The following ROPN1L variants were observed in gnomAD, a reference collection of about 807,000 sequenced individuals.
ROPN1L encodes rhophilin associated tail protein 1 like, also known as ropporin-1-like protein.
A neutral mutation model predicts 22.7 loss-of-function variants in ROPN1L; 23 were observed. The observed-to-expected ratio is 1.01, with a 90% confidence interval of 0.73 to 1.43. The LOEUF (loss-of-function observed/expected upper bound fraction) is 1.43, where lower values mean the gene tolerates loss of function less well. Among genes scored for constraint, ROPN1L ranks in the 40% most tolerant of loss-of-function variants. The probability of loss-of-function intolerance (pLI) is 0.00; values close to 1 mark genes in which losing one functional copy is unlikely to be tolerated. For synonymous variants in ROPN1L, 116 were observed against 117.8 expected (o/e 0.98, Z 0.10); for missense variants, 271 against 291.5 (o/e 0.93, Z 0.51).
At chr5:10,458,093 C>T (rs2126455982) in intron 3 of ROPN1L, among the ~76,000 whole-genome samples, 1 of 152,188 alleles carries the variant, frequency 6.6e-6, no homozygotes, top group East Asian at 1.9e-4. Context: ...TCCTCCAGCT[C>T]ACACAACTGC....
intron 1 of ROPN1L, among the ~76,000 whole-genome samples, chr5:10,444,383 C>T (rs924289569): frequency 1.5e-4 from 23 of 152,176 alleles, no homozygotes; most frequent in Admixed American, 3.9e-4. Context: ...CTCTGCCTCC[C>T]GGGTTCAAGC....
Position 10,465,007 on chromosome 5 carries a change from A to T in ROPN1L, c.*60A>T. The T allele has an allele frequency of 1.0e-6, 1 of 994,386 alleles. No individual in the cohort carries two copies. Among genetic ancestry groups the T allele is most frequent in the Non-Finnish European group, 1.5e-6 (1 of 653,242 alleles). The allele number at this position is 994,386 out of a possible 1,614,324, so 61.6% of individuals were successfully genotyped here. On this transcript the variant is annotated 3_prime_UTR_variant, in exon 5 of 5. Transcript: ENST00000274134. Reference sequence around the variant, plus strand: ...GCTCTTTAAAATTCTGGCACCAAATACAACTTACCCTGAATCACACACCTC... The same window carrying T: ...GCTCTTTAAAATTCTGGCACCAAATTCAACTTACCCTGAATCACACACCTC...
At chr5:10,452,499 G>T (rs1179756067) in intron 3 of ROPN1L, among the ~76,000 whole-genome samples, 1 of 150,472 alleles carries the variant, frequency 6.6e-6, no homozygotes, top group Non-Finnish European at 1.5e-5. Flanking sequence ...TCCACGCCTG[G>T]CTAATTTTTT....
chr5:10,462,335 G>C (rs546481933), intron 4 of ROPN1L, among the ~76,000 whole-genome samples: 1 of 152,336 alleles, frequency 6.6e-6, no homozygotes, highest in Non-Finnish European at 1.5e-5. Context: ...CGAATCCCGT[G>C]TTTGGCAGAA....
At chr5:10,463,249 C>G (rs192053091) in intron 4 of ROPN1L, among the ~76,000 whole-genome samples, 1 of 152,328 alleles carries the variant, frequency 6.6e-6, no homozygotes, top group African/African-American at 2.4e-5. Flanking sequence ...AATGAATCCT[C>G]CCTTTAAAGA....
At chr5:10,448,428 T>G (rs754044544) in intron 2 of ROPN1L, 45 bp downstream of exon 2, 2 of 1,611,464 alleles carry the variant, frequency 1.2e-6, no homozygotes, top group Non-Finnish European at 1.7e-6. Flanking sequence ...TGGCCTGTGC[T>G]TTCCTTACCG....
In ROPN1L at chr5:10,461,359, T is replaced by C; in HGVS notation, c.593T>C (p.Ile198Thr). 6.2e-7 allele frequency: 1 copy of C among 1,612,736 alleles called. No individual in the cohort carries two copies. The highest frequency in any genetic ancestry group is 8.5e-7 in the Non-Finnish European group (1 of 1,178,846). ...ESYLASLKEN[I>T]DARKNGMIGL... is the part of the protein sequence containing the mutation. ...TACCTTGCCTCTCTAAAGGAAAATA[T>C]GTAAGTATGCACCCTCTCTAGGATT... The change falls in exon 4 of 5, where the codon ATA (isoleucine) becomes ACA (threonine). Residue 198 changes from isoleucine to threonine, a missense_variant and splice_region_variant. Physicochemically the swap from Ile to Thr is moderately conservative, Grantham distance 89 (BLOSUM62 -1). Transcript: ENST00000274134.
At chr5:10,462,101 A>C (rs1214090547) in intron 4 of ROPN1L, among the ~76,000 whole-genome samples, 1 of 152,058 alleles carries the variant, frequency 6.6e-6, no homozygotes, top group East Asian at 1.9e-4. Context: ...CCCCACCTCC[A>C]AGGTTGGGCT....
intron 1 of ROPN1L, among the ~76,000 whole-genome samples, chr5:10,446,630 C>T (rs368752681): frequency 2.7e-5 from 4 of 147,656 alleles, no homozygotes; most frequent in African/African-American, 9.9e-5. Context: ...TACTGCACTC[C>T]AGCCTAGGCC....
intron 4 of ROPN1L, among the ~76,000 whole-genome samples, chr5:10,470,986 C>T (rs1216964866): frequency 6.6e-6 from 1 of 152,142 alleles, no homozygotes; most frequent in Non-Finnish European, 1.5e-5. Flanking sequence ...TGTCCAAAGT[C>T]CCCCGGGTGG....
intron 3 of ROPN1L, among the ~76,000 whole-genome samples, chr5:10,459,820 C>T (rs1405311282): frequency 6.6e-6 from 1 of 152,152 alleles, no homozygotes; most frequent in African/African-American, 2.4e-5. Flanking sequence ...TTGTGGCTCT[C>T]CCACTTGACT....
At chr5:10,445,735 G>A (rs2126428520) in intron 1 of ROPN1L, among the ~76,000 whole-genome samples, 1 of 152,284 alleles carries the variant, frequency 6.6e-6, no homozygotes, top group Middle Eastern at 3.4e-3. Flanking sequence ...AGACCAGCCT[G>A]CACAACGTGG....
rs183576252 is a variant in ROPN1L, at chr5:10,461,228, C to T, written c.462C>T (p.Asp154=). The part of the protein sequence containing the change: ...ALKHLCEILT[D]DPEGGPARIP... Reference sequence around the variant, plus strand: ...AGCACCTGTGCGAGATCCTCACGGACGATCCGGAGGGCGGGCCCGCTCGCA... The same window carrying T: ...AGCACCTGTGCGAGATCCTCACGGATGATCCGGAGGGCGGGCCCGCTCGCA... Residue 154 remains aspartate (D), a synonymous_variant, in exon 4 of 5, where the codon GAC becomes GAT. Transcript: ENST00000274134. The T allele has an allele frequency of 1.6e-4, 264 of 1,614,142 alleles. 5 individuals carry two copies. In the East Asian group the frequency reaches 2.5e-3, roughly 15 times the overall value.
intron 3 of ROPN1L, among the ~76,000 whole-genome samples, chr5:10,456,396 G>C (rs1372715303): frequency 6.6e-6 from 1 of 152,200 alleles, no homozygotes; most frequent in African/African-American, 2.4e-5. Context: ...GCTGAGGCAG[G>C]AGAATCGCTT....
At chr5:10,470,565 G>C (rs1159586384) in intron 4 of ROPN1L, among the ~76,000 whole-genome samples, 2 of 152,234 alleles carry the variant, frequency 1.3e-5, no homozygotes, top group African/African-American at 4.8e-5. Context: ...GGTGGGGTTG[G>C]GTTGATGTCC....
intron 4 of ROPN1L, among the ~76,000 whole-genome samples, chr5:10,471,607 G>A (rs985626147): frequency 3.3e-5 from 5 of 152,190 alleles, no homozygotes; most frequent in Admixed American, 6.5e-5. Context: ...GGCTGGCTGC[G>A]GTGGGGTTTT....
Position 10,461,195 on chromosome 5 carries a change from T to C in ROPN1L, c.429T>C (p.Thr143=), listed in dbSNP as rs767502436. Residue 143 remains threonine, a synonymous_variant, in exon 4 of 5, where the codon ACT becomes ACC. Transcript: ENST00000274134. The part of the protein sequence containing the change: ...GCSMLGGSLN[T]ALKHLCEILT... ...TGTGGTGCTCCCAGTCCTTGAACAC[T>C]GCGCTGAAGCACCTGTGCGAGATCC... 5.0e-6 allele frequency: 8 copies of C among 1,613,666 alleles called. No homozygotes were observed. In the East Asian group the frequency reaches 1.6e-4, roughly 31 times the overall value.
At chr5:10,451,473 T>C (rs1455514742) in intron 3 of ROPN1L, among the ~76,000 whole-genome samples, 1 of 152,234 alleles carries the variant, frequency 6.6e-6, no homozygotes. Flanking sequence ...TTTTAGTTGG[T>C]TTTGACTTGA....
chr5:10,441,881 GT>G lies in ROPN1L; in HGVS notation c.-286del, dbSNP rs2126418188. The G allele has an allele frequency of 7.9e-6, 2 of 251,666 alleles. No individual in the cohort carries two copies. 15.6% of individuals were successfully genotyped at this position (251,666 alleles called of 1,614,324 possible). A position where few individuals can be genotyped will look rare whatever the true frequency, so the allele number is the denominator to read the frequency against. ...GGCTCCAGGGGCGGGGCCTGCTCGC[GT>G]CCCGGGTGCCTGGATACCGAGCGCG... On this transcript the variant is annotated 5_prime_UTR_variant, in exon 1 of 5. Coordinates refer to ENST00000274134, the MANE Select transcript of ROPN1L (RefSeq NM_031916.5).
Sources: allele counts gnomAD v4.1 joint callset (sites outside exome capture counted in the v4.1 genomes callset), GRCh38; gene constraint gnomAD v4.1.1; transcripts MANE v1.5; gene names NCBI Gene and HGNC (gene_info 2026-07-23, HGNC 2026-07-21).